Variants in STARD13 observed in about 807,000 individuals in gnomAD.
STARD13 encodes StAR related lipid transfer domain containing 13.
A neutral mutation model predicts 106.4 loss-of-function variants in STARD13; 62 were observed. The ratio of observed to expected loss-of-function variants is 0.58; its 90% CI spans 0.48 to 0.72. STARD13 has a LOEUF of 0.72. Ranked by LOEUF, STARD13 falls within the 30% of genes least tolerant of loss-of-function variation. The probability of loss-of-function intolerance (pLI) is 0.00; values close to 1 mark genes in which losing one functional copy is unlikely to be tolerated. For missense variants in STARD13, 1,387 were observed against 1,424.0 expected (o/e 0.97, Z 0.42); for synonymous variants, 565 against 553.0 (o/e 1.02, Z -0.31).
chr13:33,177,763 GAAGGA>G lies in STARD13; in HGVS notation c.170-10146_170-10142del, dbSNP rs1450130563. On this transcript the variant is annotated intron_variant, in intron 1 of 13. Transcript: ENST00000336934. ...GGAAGGAAGGAAAAAAGGAAGGAAG[GAAGGA>G]AAGGAAGGAAGGAAGGAAGGAAGGA... is the stretch of plus-strand genomic sequence containing the variant. Among the ~76,000 whole-genome samples the G allele has an allele frequency of 2.1e-5, 2 of 97,376 alleles. 1 individual carries two copies. Among genetic ancestry groups the G allele is most frequent in the African/African-American group, 8.8e-5 (2 of 22,676 alleles). 63.9% of individuals were successfully genotyped at this position (97,376 alleles called of 152,430 possible).
At chr13:33,647,347 G>A in the STARD13 span, among the ~76,000 whole-genome samples, 1 of 152,058 alleles carries the variant, frequency 6.6e-6, no homozygotes, top group Non-Finnish European at 1.5e-5. Flanking sequence ...TTACTTCATT[G>A]TAGAAAAAGC....
intron 1 of STARD13, among the ~76,000 whole-genome samples, chr13:33,284,030 G>T (rs1048499212): frequency 6.6e-6 from 1 of 152,154 alleles, no homozygotes; most frequent in Non-Finnish European, 1.5e-5. Context: ...AAAGATGATG[G>T]CATTTGGAAA....
chr13:33,162,745 T>G (rs1286109576), intron 3 of STARD13, among the ~76,000 whole-genome samples: 2 of 106,934 alleles, frequency 1.9e-5, no homozygotes, highest in African/African-American at 7.5e-5. Flanking sequence ...ATTATTCATA[T>G]CACTATCAGC....
At chr13:33,452,097 T>C in the STARD13 span, among the ~76,000 whole-genome samples, 2 of 152,172 alleles carry the variant, frequency 1.3e-5, no homozygotes, top group South Asian at 4.2e-4. Flanking sequence ...GAGATCTCAG[T>C]ATGTTCAGGG....
intron 12 of STARD13, among the ~76,000 whole-genome samples, chr13:33,107,669 T>C (rs1428161571): frequency 6.6e-6 from 1 of 152,106 alleles, no homozygotes; most frequent in Non-Finnish European, 1.5e-5. Context: ...AGAGAAGCAC[T>C]GTCTAACAAT....
chr13:33,425,040 T>A, the STARD13 span, among the ~76,000 whole-genome samples: 2 of 152,222 alleles, frequency 1.3e-5, no homozygotes, highest in African/African-American at 4.8e-5. Flanking sequence ...TGAATGTTGA[T>A]GCTAAGAATA....
intron 1 of STARD13, among the ~76,000 whole-genome samples, chr13:33,234,128 G>A (rs908666053): frequency 1.3e-5 from 2 of 152,184 alleles, no homozygotes; most frequent in African/African-American, 4.8e-5. Flanking sequence ...GACTGGCTGT[G>A]TCTGAATAGA....
the STARD13 span, among the ~76,000 whole-genome samples, chr13:33,400,343 T>C: frequency 6.6e-6 from 1 of 152,238 alleles, no homozygotes; most frequent in Non-Finnish European, 1.5e-5. Context: ...TGTGTGAATA[T>C]ATATATGCCA....
intron 1 of STARD13, among the ~76,000 whole-genome samples, chr13:33,191,596 T>C (rs1250776524): frequency 6.6e-6 from 1 of 152,212 alleles, no homozygotes; most frequent in Non-Finnish European, 1.5e-5. Flanking sequence ...AAAATCCACA[T>C]GAACATTGTA....
At chr13:33,441,589 T>C in the STARD13 span, among the ~76,000 whole-genome samples, 1 of 152,182 alleles carries the variant, frequency 6.6e-6, no homozygotes, top group African/African-American at 2.4e-5. Flanking sequence ...AGAAAAGGTA[T>C]ACAGTAAATA....
chr13:33,343,147 C>G (rs1221857024), intron 1 of STARD13, among the ~76,000 whole-genome samples: 1 of 152,116 alleles, frequency 6.6e-6, no homozygotes, highest in East Asian at 1.9e-4. Context: ...CCTTTGAGTC[C>G]TTTTTCTCTC....
At chr13:33,390,490 G>A in the STARD13 span, among the ~76,000 whole-genome samples, 1 of 152,166 alleles carries the variant, frequency 6.6e-6, no homozygotes, top group East Asian at 1.9e-4. Context: ...TACTCTACTT[G>A]AGAATGACAG....
At chr13:33,603,247 G>A in the STARD13 span, among the ~76,000 whole-genome samples, 24 of 152,154 alleles carry the variant, frequency 1.6e-4, no homozygotes, top group Admixed American at 9.8e-4. Context: ...AGTTTTAGCC[G>A]TCAGGGAGAT....
chr13:33,328,494 G>A (rs954109764), intron 1 of STARD13, among the ~76,000 whole-genome samples: 2 of 152,202 alleles, frequency 1.3e-5, no homozygotes, highest in African/African-American at 4.8e-5. Flanking sequence ...AACTATTGTC[G>A]GTTTTTCTAG....
intron 1 of STARD13, among the ~76,000 whole-genome samples, chr13:33,242,555 A>G (rs1048876362): frequency 1.9e-4 from 29 of 152,028 alleles, no homozygotes; most frequent in South Asian, 4.2e-4. Flanking sequence ...AAGGCAGCAT[A>G]CTCCTTAAGA....
chr13:33,252,918 A>G (rs1246902798), intron 1 of STARD13, among the ~76,000 whole-genome samples: 1 of 152,218 alleles, frequency 6.6e-6, no homozygotes, highest in Non-Finnish European at 1.5e-5. Context: ...CAGTGAGCAC[A>G]TCACCCACCA....
the STARD13 span, among the ~76,000 whole-genome samples, chr13:33,554,455 C>G: frequency 6.6e-6 from 1 of 152,114 alleles, no homozygotes; most frequent in Admixed American, 6.5e-5. Context: ...CTCTTCCTCT[C>G]TAGAAGAACT....
At chr13:33,137,410 AT>A (rs1288023768) in intron 4 of STARD13, among the ~76,000 whole-genome samples, 1 of 152,212 alleles carries the variant, frequency 6.6e-6, no homozygotes. Context: ...ATAAAACTTT[AT>A]TTATGAAAGC....
At chr13:33,312,147 A>G (rs1191876723) in intron 1 of STARD13, among the ~76,000 whole-genome samples, 1 of 152,258 alleles carries the variant, frequency 6.6e-6, no homozygotes, top group Non-Finnish European at 1.5e-5. Flanking sequence ...TGTAATCAAC[A>G]AACATTTTTA....
Sources: allele counts gnomAD v4.1 joint callset (sites outside exome capture counted in the v4.1 genomes callset), GRCh38; gene constraint gnomAD v4.1.1; transcripts MANE v1.5; gene names NCBI Gene and HGNC (gene_info 2026-07-23, HGNC 2026-07-21).